Variants in GINS1 observed in about 807,000 individuals in gnomAD.
GINS1 encodes DNA replication complex GINS protein PSF1.
In GINS1, 26 loss-of-function variants were observed where a neutral mutation model predicts 34.9. The ratio of observed to expected loss-of-function variants is 0.74; its 90% confidence interval spans 0.55 to 1.03. GINS1 has a LOEUF of 1.03. Ranked by LOEUF, GINS1 falls within the 50% of genes least tolerant of loss-of-function variation. The pLI is 0.00. For missense variants in GINS1, 235 were observed against 237.9 expected (o/e 0.99, Z 0.08); for synonymous variants, 97 against 84.4 (o/e 1.15, Z -0.82).
chr20:25,422,083 A>G (rs1266256654), intron 4 of GINS1, among the ~76,000 whole-genome samples: 1 of 152,070 alleles, frequency 6.6e-6, no homozygotes, highest in Non-Finnish European at 1.5e-5. Flanking sequence ...AATCTAACAT[A>G]AAAACAGGCA....
At chr20:25,427,497 T>C (rs1462925041) in intron 5 of GINS1, among the ~76,000 whole-genome samples, 1 of 152,238 alleles carries the variant, frequency 6.6e-6, no homozygotes, top group Admixed American at 6.5e-5. Flanking sequence ...TTCTGTTTTT[T>C]AATCATAGCC....
intron 5 of GINS1, among the ~76,000 whole-genome samples, chr20:25,427,696 TTATG>T (rs2090399481): frequency 1.3e-5 from 2 of 152,172 alleles, no homozygotes; most frequent in South Asian, 2.1e-4. Context: ...TAGAAATCCT[TTATG>T]TATTCAGTAT....
At chr20:25,434,222 G>T (rs1253493420) in intron 5 of GINS1, among the ~76,000 whole-genome samples, 1 of 151,946 alleles carries the variant, frequency 6.6e-6, no homozygotes, top group Non-Finnish European at 1.5e-5. Context: ...GGTGGGGATT[G>T]CAGTGAACTG....
At chr20:25,408,152 A>G (rs2090259288) in intron 1 of GINS1, among the ~76,000 whole-genome samples, 1 of 152,240 alleles carries the variant, frequency 6.6e-6, no homozygotes, top group Non-Finnish European at 1.5e-5. Flanking sequence ...CCGGTCCCTT[A>G]AAATATTTAC....
intron 2 of GINS1, 23 bp downstream of exon 2, chr20:25,413,877 C>G (rs754916618): frequency 7.5e-6 from 10 of 1,334,164 alleles, no homozygotes; most frequent in Non-Finnish European, 1.1e-5. Flanking sequence ...AGATGATATT[C>G]TAAAACAATT....
At chr20:25,421,038 G>C in intron 4 of GINS1, 1 of 817,192 alleles carries the variant, frequency 1.2e-6, no homozygotes, top group African/African-American at 1.9e-5. Context: ...GTCATCATAG[G>C]TATCTGTATT....
In GINS1 at chr20:25,446,192, C is replaced by G. The variant is rs180789063; in HGVS notation, c.*201C>G. ...TTAATGTTGTACACTATTCTTCCTACTCTTTTTTGGTTTTGGTTTTGTTTT... is the reference window on the plus strand; with the variant it reads ...TTAATGTTGTACACTATTCTTCCTAGTCTTTTTTGGTTTTGGTTTTGTTTT... On this transcript the variant is annotated 3_prime_UTR_variant, in exon 7 of 7. Coordinates refer to ENST00000262460, the MANE Select transcript of GINS1 (RefSeq NM_021067.5). The G allele has an allele frequency of 4.8e-6, 2 of 416,358 alleles. No individual in the cohort carries two copies. The highest frequency in any genetic ancestry group is 8.5e-6 in the Non-Finnish European group (2 of 234,952). 25.8% of individuals were successfully genotyped at this position (416,358 alleles called of 1,614,324 possible).
chr20:25,419,498 T>A (rs1486979138), intron 4 of GINS1, among the ~76,000 whole-genome samples: 1 of 152,210 alleles, frequency 6.6e-6, no homozygotes, highest in Non-Finnish European at 1.5e-5. Flanking sequence ...GACTACGAAA[T>A]TGGTAACATG....
At chr20:25,409,213 C>T (rs2090268000) in intron 1 of GINS1, among the ~76,000 whole-genome samples, 1 of 152,152 alleles carries the variant, frequency 6.6e-6, no homozygotes, top group African/African-American at 2.4e-5. Flanking sequence ...ATAAGGCATG[C>T]TGGGAGCTGG....
Position 25,441,772 on chromosome 20 carries a change from G to C in GINS1, c.518G>C (p.Ser173Thr), listed in dbSNP as rs1376711579. 25 of 1,482,628 alleles carry C rather than the reference G, an allele frequency of 1.7e-5. No homozygotes were observed. The Admixed American group carries it at 4.5e-4, about 26-fold the overall frequency. The allele number at this position is 1,482,628 out of a possible 1,614,324, so 91.8% of individuals were successfully genotyped here. ...DGTSVLLKKN[S>T]QHFLPRWKCE... is the part of the protein sequence containing the mutation. Reference sequence around the variant, plus strand: ...ACTTCAGTCCTATTAAAAAAAAATAGCCAGGTATTTCTTATCTTCAGATTC... The same window carrying C: ...ACTTCAGTCCTATTAAAAAAAAATACCCAGGTATTTCTTATCTTCAGATTC... The change falls in exon 6 of 7, where the codon AGC becomes ACC. Residue 173 changes from serine to threonine, a missense_variant. Ser to Thr is a moderately conservative substitution (Grantham distance 58, BLOSUM62 1). Coordinates refer to ENST00000262460, the MANE Select transcript of GINS1 (RefSeq NM_021067.5).
chr20:25,410,188 A>G (rs1485306038), intron 1 of GINS1, among the ~76,000 whole-genome samples: 11 of 151,950 alleles, frequency 7.2e-5, no homozygotes. Flanking sequence ...AAAAATACAA[A>G]AAATTAGCCA....
intron 4 of GINS1, among the ~76,000 whole-genome samples, chr20:25,421,899 C>T (rs1158750150): frequency 1.3e-5 from 2 of 151,954 alleles, no homozygotes; most frequent in Non-Finnish European, 2.9e-5. Flanking sequence ...GTGGAAACAC[C>T]CATGTTTGAC....
At chr20:25,422,438 A>C (rs1243352877) in intron 4 of GINS1, among the ~76,000 whole-genome samples, 1 of 152,072 alleles carries the variant, frequency 6.6e-6, no homozygotes, top group Non-Finnish European at 1.5e-5. Flanking sequence ...AAACAAAAAA[A>C]AACTTAGCTA....
intron 5 of GINS1, among the ~76,000 whole-genome samples, chr20:25,431,575 CTTTTTTT>C (rs77211490): frequency 7.6e-4 from 100 of 132,178 alleles, no homozygotes; most frequent in African/African-American, 2.7e-3. Flanking sequence ...TTTCTTTTTT[CTTTTTTT>C]TTTTTTGAGA....
intron 1 of GINS1, chr20:25,413,504 GA>G (rs2090300138): frequency 1.1e-5 from 4 of 357,906 alleles, no homozygotes; most frequent in Non-Finnish European, 2.0e-5. Flanking sequence ...ATACACCTAG[GA>G]GTAAAATTAC....
chr20:25,410,710 T>A (rs1458465504), intron 1 of GINS1, among the ~76,000 whole-genome samples: 1 of 152,042 alleles, frequency 6.6e-6, no homozygotes, highest in Non-Finnish European at 1.5e-5. Context: ...TACAGGCGCC[T>A]GCCACCATGC....
At chr20:25,443,935 G>C (rs1477451149) in intron 6 of GINS1, among the ~76,000 whole-genome samples, 1 of 151,148 alleles carries the variant, frequency 6.6e-6, no homozygotes, top group East Asian at 2.0e-4. Context: ...TGTAGAATCT[G>C]TGGTGTAGAT....
intron 2 of GINS1, 67 bp from the exon 3 acceptor site, chr20:25,417,037 T>G: frequency 1.4e-6 from 1 of 711,690 alleles, no homozygotes. Context: ...CAGTTGTTAG[T>G]TGGCTTTGAA....
intron 2 of GINS1, among the ~76,000 whole-genome samples, chr20:25,414,787 A>G (rs2090309821): frequency 6.6e-6 from 1 of 152,210 alleles, no homozygotes; most frequent in East Asian, 1.9e-4. Flanking sequence ...TGCCTTAGTG[A>G]GTTTGTTAAA....
Sources: gnomAD v4.1 joint callset for allele counts (sites outside exome capture counted in the v4.1 genomes callset) on GRCh38, gnomAD v4.1.1 for gene constraint, MANE v1.5 for transcripts, NCBI Gene and HGNC (gene_info 2026-07-23, HGNC 2026-07-21) for gene names.